IQSEC2: variants seen among roughly 807,000 people sequenced by gnomAD.
IQSEC2 encodes IQ motif and Sec7 domain ArfGEF 2.
IQSEC2 carries 6 observed loss-of-function variants against 74.6 expected under a neutral mutation model. The ratio of observed to expected loss-of-function variants is 0.08; its 90% CI spans 0.04 to 0.16. The LOEUF (loss-of-function observed/expected upper bound fraction) is 0.16, where lower values mean the gene tolerates loss of function less well. IQSEC2 is among the 10% of genes least tolerant of loss of function. The pLI is 1.00. For missense variants in IQSEC2, 734 were observed against 1,306.2 expected (o/e 0.56, Z 6.75); for synonymous variants, 494 against 544.5 (o/e 0.91, Z 1.29).
chrX:53,303,453 G>C (rs1342656955), intron 1 of IQSEC2, among the ~76,000 whole-genome samples: 1 of 111,098 alleles, frequency 9.0e-6, no homozygotes, highest in Non-Finnish European at 1.9e-5. Flanking sequence ...AAGCACTAGG[G>C]GGAGGTAAAG....
downstream of IQSEC2, chrX:53,226,488 T>C (rs1556857562): frequency 8.9e-6 from 1 of 112,801 alleles, no homozygotes; most frequent in Non-Finnish European, 1.9e-5. Flanking sequence ...GAATGTTGAG[T>C]AAACAAAAGA....
At position 53,281,508 on chromosome X, in the gene IQSEC2, C is replaced by G. The variant is rs782026794; in HGVS notation, c.737+10387G>C. The G allele has an allele frequency of 9.6e-6, 11 of 1,148,774 alleles. No individual in the cohort carries two copies. The South Asian group carries it at 2.1e-4, about 22-fold the overall frequency. The allele number at this position is 1,148,774 out of a possible 1,213,427, so 94.7% of individuals were successfully genotyped here. ...CCCAGGTTCCTACCTGCTGCTCCTC[C>G]CGGGGGGCTCCATGGGTCTGGACCT... is the stretch of plus-strand genomic sequence containing the variant. On this transcript the variant is annotated intron_variant, in intron 2 of 14. Transcript: ENST00000642864.
intron 1 of IQSEC2, among the ~76,000 whole-genome samples, chrX:53,307,943 T>G (rs1485074449): frequency 9.4e-6 from 1 of 106,359 alleles, no homozygotes; most frequent in Non-Finnish European, 1.9e-5. Context: ...TCCCAGCACT[T>G]TGGGAGGCTG....
chrX:53,245,413 G>C (rs1478098779), intron 8 of IQSEC2, among the ~76,000 whole-genome samples: 2 of 97,999 alleles, frequency 2.0e-5, no homozygotes, highest in African/African-American at 7.4e-5. Flanking sequence ...GGGTGAGAGA[G>C]TGAGACCCTG....
At chrX:53,246,869 A>C in intron 8 of IQSEC2, 100 bp downstream of exon 8, 4 of 776,358 alleles carry the variant, frequency 5.2e-6, no homozygotes. Context: ...AGCATCACAA[A>C]TTAATTTCCA....
intron 2 of IQSEC2, among the ~76,000 whole-genome samples, chrX:53,258,924 A>T (rs781954451): frequency 5.8e-4 from 63 of 108,112 alleles, no homozygotes; most frequent in Non-Finnish European, 1.1e-3. Flanking sequence ...GGCGCCGTGG[A>T]TCATGCCTGT....
At chrX:53,261,235 A>G (rs1486535459) in intron 2 of IQSEC2, among the ~76,000 whole-genome samples, 4 of 111,195 alleles carry the variant, frequency 3.6e-5, no homozygotes, top group Non-Finnish European at 5.7e-5. Context: ...GCACACATAC[A>G]CACACATGCA....
chrX:53,315,953 C>T (rs1249903100), intron 1 of IQSEC2, among the ~76,000 whole-genome samples: 6 of 111,812 alleles, frequency 5.4e-5, no homozygotes, highest in African/African-American at 2.0e-4. Flanking sequence ...TTCCATACCC[C>T]TCATCCCTCA....
At chrX:53,227,435 C>T (rs2074047358), downstream of IQSEC2, 6 of 273,607 alleles carry the variant, frequency 2.2e-5, no homozygotes, top group Middle Eastern at 1.9e-3. Context: ...GTCAAATGCT[C>T]TTCCTGTCGT....
chrX:53,299,765 T>TGGTCC (rs1556875056), intron 1 of IQSEC2, among the ~76,000 whole-genome samples: 1 of 111,375 alleles, frequency 9.0e-6, no homozygotes, highest in Non-Finnish European at 1.9e-5. Context: ...GACTTTTTTT[T>TGGTCC]TTTAAGACAA....
chrX:53,280,835 G>C (rs1396412882), intron 2 of IQSEC2, among the ~76,000 whole-genome samples: 1 of 112,056 alleles, frequency 8.9e-6, no homozygotes, highest in African/African-American at 3.2e-5. Flanking sequence ...GCTGGAGCCA[G>C]AGCAAGCTGG....
chrX:53,294,630 C>T (rs372229235), intron 1 of IQSEC2, among the ~76,000 whole-genome samples: 1 of 111,290 alleles, frequency 9.0e-6, no homozygotes, highest in Admixed American at 9.6e-5. Flanking sequence ...GAGTTCCAAG[C>T]AATCTTTAGG....
intron 2 of IQSEC2, among the ~76,000 whole-genome samples, chrX:53,262,682 A>G (rs782570286): frequency 3.6e-5 from 4 of 111,771 alleles, no homozygotes; most frequent in Middle Eastern, 9.3e-3. Context: ...GCCCAATCCC[A>G]GTGTCACAGG....
chrX:53,315,412 C>A (rs1556878862), intron 1 of IQSEC2, among the ~76,000 whole-genome samples: 1 of 111,386 alleles, frequency 9.0e-6, no homozygotes, highest in Non-Finnish European at 1.9e-5. Flanking sequence ...AACGAACACA[C>A]CCATCTGACA....
At chrX:53,255,030 C>T in intron 3 of IQSEC2, 99 bp from the exon 4 acceptor site, 2 of 859,709 alleles carry the variant, frequency 2.3e-6, no homozygotes, top group Non-Finnish European at 3.3e-6. Context: ...TCATGGCTGA[C>T]TGCTTACAGC....
Position 53,241,862 on chromosome X carries a change from G to A in IQSEC2, c.2937C>T (p.Tyr979=), listed in dbSNP as rs191305900. The A allele has an allele frequency of 2.2e-5, 27 of 1,208,865 alleles. No homozygotes were observed. In the East Asian group the frequency reaches 5.0e-4, roughly 23 times the overall value. ...HRRLVCCCQL[Y]EVPDPNRPQR... is the part of the protein sequence containing the mutation. ...GGGGGCGGTTTGGATCTGGCACCTC[G>A]TAGAGCTGGCAGCAGCAAACCAGTC... is the stretch of plus-strand genomic sequence containing the variant. Residue 979 remains tyrosine (Y), a synonymous_variant, in exon 10 of 15, where the codon TAC becomes TAT. Transcript: ENST00000642864.
intron 1 of IQSEC2, among the ~76,000 whole-genome samples, chrX:53,299,165 C>T (rs1233950262): frequency 3.6e-5 from 4 of 110,805 alleles, no homozygotes; most frequent in Non-Finnish European, 7.6e-5. Context: ...CCCACCTCAG[C>T]CCCCTCAAAA....
chrX:53,315,872 G>A (rs782388147), intron 1 of IQSEC2, among the ~76,000 whole-genome samples: 37 of 111,676 alleles, frequency 3.3e-4, no homozygotes, highest in Non-Finnish European at 5.3e-4. Flanking sequence ...GATGAGGAAA[G>A]GGCAGGCAGC....
intron 1 of IQSEC2, among the ~76,000 whole-genome samples, chrX:53,308,180 A>G (rs1324759111): frequency 1.9e-5 from 2 of 107,449 alleles, no homozygotes; most frequent in Admixed American, 2.0e-4. Flanking sequence ...AAAAAAAAAA[A>G]AAAAAAAGAA....
Sources: allele counts gnomAD v4.1 joint callset (sites outside exome capture counted in the v4.1 genomes callset), GRCh38; gene constraint gnomAD v4.1.1; transcripts MANE v1.5; gene names NCBI Gene and HGNC (gene_info 2026-07-23, HGNC 2026-07-21).